AKAP1: variants seen among roughly 807,000 people sequenced by gnomAD.
AKAP1 encodes A-kinase anchor protein 1, mitochondrial.
In AKAP1, 32 loss-of-function variants were observed where a neutral mutation model predicts 79.8. The ratio of observed to expected loss-of-function variants is 0.40; its 90% CI spans 0.30 to 0.54. The LOEUF (loss-of-function observed/expected upper bound fraction) is 0.54. AKAP1 is among the 20% of genes least tolerant of loss of function. The probability of loss-of-function intolerance (pLI) is 0.47; values close to 1 mark genes in which losing one functional copy is unlikely to be tolerated. For synonymous variants in AKAP1, 416 were observed against 466.7 expected (o/e 0.89, Z 1.40); for missense variants, 961 against 1,138.9 (o/e 0.84, Z 2.25).
chr17:57,115,304 G>T (rs1597990192), intron 6 of AKAP1, among the ~76,000 whole-genome samples: 1 of 152,186 alleles, frequency 6.6e-6, no homozygotes, highest in African/African-American at 2.4e-5. Flanking sequence ...AGCCTTTTGT[G>T]TGGATTTTTT....
intron 1 of AKAP1, among the ~76,000 whole-genome samples, chr17:57,103,207 T>C (rs1342246366): frequency 6.6e-6 from 1 of 152,266 alleles, no homozygotes; most frequent in Non-Finnish European, 1.5e-5. Context: ...AATGCTATCA[T>C]TGCTGCTGCT....
intron 1 of AKAP1, among the ~76,000 whole-genome samples, chr17:57,102,568 T>G (rs1406435835): frequency 1.3e-5 from 2 of 151,196 alleles, no homozygotes; most frequent in Non-Finnish European, 2.9e-5. Flanking sequence ...CGGGTTCAAG[T>G]GATTCTCCCG....
chr17:57,094,206 G>A (rs774485176), intron 1 of AKAP1: 4 of 152,184 alleles, frequency 2.6e-5, no homozygotes, highest in African/African-American at 4.8e-5. Context: ...TACTCGCAAC[G>A]GTTCCACGTT....
rs553548106 is a variant in AKAP1, at chr17:57,107,036, C to T, written c.1572C>T (p.Ser524=). The part of the protein sequence containing the change: ...SGLEDSCTET[S]SSPRDKAITP... ...TTGAAGACTCTTGCACAGAGACCAG[C>T]TCGAGCCCCAGGGACAAGGCCATCA... The change falls in exon 2 of 11, where the codon AGC becomes AGT. Residue 524 remains serine (S), a synonymous_variant. Coordinates refer to ENST00000337714, the MANE Select transcript of AKAP1 (RefSeq NM_003488.4). 1.9e-6 allele frequency: 3 copies of T among 1,614,162 alleles called. No individual in the cohort carries two copies. Among genetic ancestry groups the T allele is most frequent in the African/African-American group, 2.7e-5 (2 of 75,056 alleles).
rs1200898659 is a variant in AKAP1, at chr17:57,116,140, G to C, written c.2311G>C (p.Asp771His). The change falls in exon 7 of 11, where the codon GAC becomes CAC. Residue 771 changes from aspartate (D) to histidine (H), a missense_variant. Asp to His is a moderately conservative substitution (Grantham distance 81). Transcript: ENST00000337714. ...ITVICAAPGA[D>H]GAWWRAQVVA... is the part of the protein sequence containing the mutation. Reference sequence around the variant, plus strand: ...GGTCATCTGTGCCGCCCCTGGTGCGGACGGGGCCTGGTGGCGAGCCCAAGT... The same window carrying C: ...GGTCATCTGTGCCGCCCCTGGTGCGCACGGGGCCTGGTGGCGAGCCCAAGT... 3 of 1,613,828 alleles carry C rather than the reference G, an allele frequency of 1.9e-6. No individual in the cohort carries two copies. The South Asian group carries it at 3.3e-5, about 18-fold the overall frequency.
At chr17:57,111,307 G>A (rs1915232267) in intron 3 of AKAP1, among the ~76,000 whole-genome samples, 1 of 152,220 alleles carries the variant, frequency 6.6e-6, no homozygotes, top group Non-Finnish European at 1.5e-5. Context: ...GGAGCCCAGG[G>A]TTCTTAGACC....
chr17:57,090,767 G>GAATT (rs1219961680), intron 1 of AKAP1, among the ~76,000 whole-genome samples: 2 of 152,094 alleles, frequency 1.3e-5, no homozygotes, highest in Non-Finnish European at 2.9e-5. Context: ...GCAACCATCG[G>GAATT]GTGCTTTTGA....
At chr17:57,112,661 C>T (rs892504596) in intron 5 of AKAP1, 43 bp downstream of exon 5, 13 of 1,560,238 alleles carry the variant, frequency 8.3e-6, no homozygotes, top group Non-Finnish European at 1.1e-5. Context: ...GCCACTTTCC[C>T]CCAAACCTAC....
intron 1 of AKAP1, among the ~76,000 whole-genome samples, chr17:57,101,177 G>A (rs1914484315): frequency 6.6e-6 from 1 of 152,098 alleles, no homozygotes; most frequent in South Asian, 2.1e-4. Flanking sequence ...CACTTTTTTG[G>A]GTGTGGGCGG....
intron 1 of AKAP1, among the ~76,000 whole-genome samples, chr17:57,097,187 T>G (rs1914167015): frequency 6.6e-6 from 1 of 152,134 alleles, no homozygotes; most frequent in Non-Finnish European, 1.5e-5. Flanking sequence ...TCAATTTATG[T>G]CCTGTCCCCC....
At chr17:57,118,252 C>G in intron 8 of AKAP1, 129 bp from the exon 9 acceptor site, 1 of 803,650 alleles carries the variant, frequency 1.2e-6, no homozygotes, top group Non-Finnish European at 2.1e-6. Flanking sequence ...GTGGATCTCC[C>G]CAGTGCAGTT....
rs754014056 is a variant in AKAP1, at chr17:57,106,522, C to A, written c.1058C>A (p.Ser353Tyr). Reference protein sequence around the residue: ...EIKRAAFQIISQVISEATEQV... With the variant: ...EIKRAAFQIIYQVISEATEQV... The stretch of plus-strand genomic sequence containing the variant: ...AAGCGGGCTGCCTTCCAGATAATCT[C>A]CCAAGTGATCTCAGAAGCAACCGAA... Residue 353 changes from serine (S) to tyrosine (Y), a missense_variant, in exon 2 of 11, where the codon TCC becomes TAC. Ser to Tyr is a moderately radical substitution (Grantham distance 144, BLOSUM62 -2). Coordinates refer to ENST00000337714, the MANE Select transcript of AKAP1 (RefSeq NM_003488.4). The A allele has an allele frequency of 2.0e-5, 32 of 1,614,034 alleles. No individual in the cohort carries two copies. Among genetic ancestry groups the A allele is most frequent in the Non-Finnish European group, 2.5e-5 (30 of 1,180,042 alleles).
intron 1 of AKAP1, among the ~76,000 whole-genome samples, chr17:57,097,903 C>CAGTT (rs1359116827): frequency 6.6e-6 from 1 of 152,266 alleles, no homozygotes; most frequent in Non-Finnish European, 1.5e-5. Flanking sequence ...ACTTTCCCAT[C>CAGTT]AGTTACATGC....
chr17:57,104,071 T>G (rs1914692015), intron 1 of AKAP1, among the ~76,000 whole-genome samples: 1 of 152,154 alleles, frequency 6.6e-6, no homozygotes, highest in Non-Finnish European at 1.5e-5. Context: ...GCAATTCTCC[T>G]GCCTCAGCCT....
rs1374571416 is a variant in AKAP1 at position 57,116,123 on chromosome 17, G to A, written c.2294G>A (p.Cys765Tyr). 2 of 1,613,292 alleles carry A rather than the reference G, an allele frequency of 1.2e-6. No homozygotes were observed. Among genetic ancestry groups the A allele is most frequent in the East Asian group, 2.2e-5 (1 of 44,876 alleles). ...CCCTACCCTGCAGTAACGGTCATCT[G>A]TGCCGCCCCTGGTGCGGACGGGGCC... Reference protein sequence around the residue: ...LPTPVEITVICAAPGADGAWW... With the variant: ...LPTPVEITVIYAAPGADGAWW... Residue 765 changes from cysteine (C) to tyrosine (Y), a missense_variant, in exon 7 of 11, where the codon TGT becomes TAT. Physicochemically the swap from Cys to Tyr is radical, Grantham distance 194. Transcript: ENST00000337714.
At chr17:57,109,221 T>C (rs1319790160) in intron 2 of AKAP1, among the ~76,000 whole-genome samples, 1 of 152,228 alleles carries the variant, frequency 6.6e-6, no homozygotes, top group East Asian at 1.9e-4. Flanking sequence ...GGGCCACTTC[T>C]CTTGAGCTGA....
At chr17:57,087,878 G>C (rs997722) in intron 1 of AKAP1, among the ~76,000 whole-genome samples, 14,828 of 152,222 alleles carry the variant, frequency 0.097, 750 homozygotes, top group East Asian at 0.14. Flanking sequence ...TACCCAGAGA[G>C]CTGGCCGTAG....
chr17:57,108,991 G>T (rs1336095398), intron 2 of AKAP1, among the ~76,000 whole-genome samples: 1 of 152,202 alleles, frequency 6.6e-6, no homozygotes, highest in Admixed American at 6.5e-5. Context: ...CATGAATCCT[G>T]TTCGAAGCGC....
At chr17:57,118,682 G>T (rs748677428) in intron 9 of AKAP1, among the ~76,000 whole-genome samples, 1 of 152,150 alleles carries the variant, frequency 6.6e-6, no homozygotes, top group African/African-American at 2.4e-5. Flanking sequence ...ACAATTCTGC[G>T]GGCCTGGGGA....
Sources: allele counts gnomAD v4.1 joint callset (sites outside exome capture counted in the v4.1 genomes callset), GRCh38; gene constraint gnomAD v4.1.1; transcripts MANE v1.5; gene names NCBI Gene and HGNC (gene_info 2026-07-23, HGNC 2026-07-21).